The following MAF variants were observed in gnomAD, a reference collection of about 807,000 sequenced individuals.
The protein encoded by MAF is MAF bZIP transcription factor.
A neutral mutation model predicts 22.0 loss-of-function variants in MAF; 10 were observed. The ratio of observed to expected loss-of-function variants is 0.45; its 90% CI spans 0.28 to 0.77. MAF has a LOEUF of 0.77. Among genes scored for constraint, MAF ranks in the 30% least tolerant of loss-of-function variants. The probability of loss-of-function intolerance (pLI) is 0.12; values close to 1 mark genes in which losing one functional copy is unlikely to be tolerated. For synonymous variants in MAF, 337 were observed against 255.8 expected (o/e 1.32, Z -3.03); for missense variants, 544 against 548.4 (o/e 0.99, Z 0.08).
At chr16:79,485,346 A>T in the MAF span, among the ~76,000 whole-genome samples, 1 of 152,234 alleles carries the variant, frequency 6.6e-6, no homozygotes, top group East Asian at 1.9e-4. Context: ...ATTGGCACAC[A>T]GGAAGTACTG....
At chr16:79,502,690 AATATAAATATAAATATAAATATATATAT>A in the MAF span, among the ~76,000 whole-genome samples, 1 of 15,912 alleles carries the variant, frequency 6.3e-5, no homozygotes, top group East Asian at 2.3e-3. Context: ...TATAAATATA[AATATAAATATAAATATAAATATATATAT>A]ATATATATAT....
At chr16:79,298,411 A>G in the MAF span, among the ~76,000 whole-genome samples, 29 of 152,342 alleles carry the variant, frequency 1.9e-4, 1 homozygote, top group Middle Eastern at 6.8e-3. Flanking sequence ...ACATTTGTGT[A>G]ATGCTGGGAT....
chr16:79,510,004 T>C, the MAF span, among the ~76,000 whole-genome samples: 1 of 152,218 alleles, frequency 6.6e-6, no homozygotes, highest in Non-Finnish European at 1.5e-5. Context: ...GGACTCTTCC[T>C]AAATCGCTTT....
chr16:79,260,109 A>T, the MAF span, among the ~76,000 whole-genome samples: 1 of 152,222 alleles, frequency 6.6e-6, no homozygotes, highest in African/African-American at 2.4e-5. Context: ...ACTTGCCATC[A>T]ACTAACAACT....
the MAF span, among the ~76,000 whole-genome samples, chr16:79,563,949 G>A: frequency 1.3e-5 from 2 of 152,234 alleles, no homozygotes; most frequent in Non-Finnish European, 2.9e-5. Context: ...TGTTGGGAAA[G>A]CCAGCCTCAA....
At chr16:79,319,790 T>G in the MAF span, among the ~76,000 whole-genome samples, 1 of 152,162 alleles carries the variant, frequency 6.6e-6, no homozygotes, top group Non-Finnish European at 1.5e-5. Flanking sequence ...GAGTTTATAT[T>G]CCAGTTGAGG....
the MAF span, among the ~76,000 whole-genome samples, chr16:79,470,034 G>A: frequency 0.014 from 2,061 of 152,258 alleles, 44 homozygotes; most frequent in African/African-American, 0.047. Context: ...AGAAACGTGC[G>A]GTCTGCTCCT....
downstream of MAF, among the ~76,000 whole-genome samples, chr16:79,582,019 C>G (rs1413274044): frequency 2.0e-5 from 3 of 152,094 alleles, no homozygotes; most frequent in East Asian, 3.9e-4. Context: ...ATACAGAAAA[C>G]AGAGGCGTGC....
At chr16:79,318,377 A>G in the MAF span, among the ~76,000 whole-genome samples, 9,651 of 152,184 alleles carry the variant, frequency 0.063, 638 homozygotes, top group African/African-American at 0.17. Flanking sequence ...GAGATACATC[A>G]CTTCTGCAGG....
chr16:79,368,779 G>A, the MAF span, among the ~76,000 whole-genome samples: 2 of 152,132 alleles, frequency 1.3e-5, no homozygotes, highest in Non-Finnish European at 2.9e-5. Context: ...ATATCCCACA[G>A]CTAACTCTTC....
chr16:79,438,657 T>C, the MAF span, among the ~76,000 whole-genome samples: 1 of 152,136 alleles, frequency 6.6e-6, no homozygotes, highest in Non-Finnish European at 1.5e-5. Context: ...GTTTTCTAAG[T>C]CTGCACAGCC....
the MAF span, among the ~76,000 whole-genome samples, chr16:79,370,015 G>A: frequency 3.3e-5 from 5 of 152,142 alleles, no homozygotes; most frequent in Admixed American, 6.5e-5. Context: ...TGACTCAACC[G>A]GGAGCCTGAA....
At chr16:79,319,845 T>G in the MAF span, among the ~76,000 whole-genome samples, 1 of 152,122 alleles carries the variant, frequency 6.6e-6, no homozygotes, top group Admixed American at 6.5e-5. Flanking sequence ...ATACATCATT[T>G]TGGCTGGAGG....
the MAF span, among the ~76,000 whole-genome samples, chr16:79,228,175 G>C: frequency 6.6e-6 from 1 of 152,100 alleles, no homozygotes; most frequent in East Asian, 1.9e-4. Flanking sequence ...AGGGAGGTTG[G>C]GATTATAGGT....
At chr16:79,377,039 A>G in the MAF span, among the ~76,000 whole-genome samples, 1 of 152,190 alleles carries the variant, frequency 6.6e-6, no homozygotes, top group African/African-American at 2.4e-5. Flanking sequence ...GTATATACCC[A>G]GTAATGGGAT....
chr16:79,443,128 G>A, the MAF span, among the ~76,000 whole-genome samples: 1 of 152,052 alleles, frequency 6.6e-6, no homozygotes, highest in Non-Finnish European at 1.5e-5. Context: ...CTAATGCCAG[G>A]CAGTCAGGGC....
At chr16:79,239,610 G>A in the MAF span, among the ~76,000 whole-genome samples, 11 of 152,110 alleles carry the variant, frequency 7.2e-5, no homozygotes, top group East Asian at 7.7e-4. Flanking sequence ...TACCTAGTCC[G>A]AACCCCTAGA....
At chr16:79,405,033 G>A in the MAF span, among the ~76,000 whole-genome samples, 1 of 152,180 alleles carries the variant, frequency 6.6e-6, no homozygotes, top group Non-Finnish European at 1.5e-5. Flanking sequence ...AGATTAGATG[G>A]TGAGTCCCAC....
At chr16:79,386,674 T>C in the MAF span, among the ~76,000 whole-genome samples, 3 of 152,000 alleles carry the variant, frequency 2.0e-5, no homozygotes, top group African/African-American at 7.3e-5. Flanking sequence ...TTGTAAAGCA[T>C]GATGATGTAA....
Sources: allele counts gnomAD v4.1 joint callset (sites outside exome capture counted in the v4.1 genomes callset), GRCh38; gene constraint gnomAD v4.1.1; transcripts MANE v1.5; gene names NCBI Gene and HGNC (gene_info 2026-07-23, HGNC 2026-07-21).